BRCA1: variants seen among roughly 807,000 people sequenced by gnomAD.
BRCA1 encodes the protein breast cancer type 1 susceptibility protein.
BRCA1 carries 140 observed loss-of-function variants against 173.7 expected under a neutral mutation model. The ratio of observed to expected loss-of-function variants is 0.81; its 90% CI spans 0.70 to 0.93. The LOEUF (loss-of-function observed/expected upper bound fraction) is 0.93, where lower values mean the gene tolerates loss of function less well. Ranked by LOEUF, BRCA1 falls within the 40% of genes least tolerant of loss-of-function variation. The pLI, the probability that BRCA1 is intolerant of heterozygous loss-of-function variation, is 0.00. For missense variants in BRCA1, 1,983 were observed against 2,172.5 expected, an observed-to-expected ratio of 0.91 and a Z score of 1.73; for synonymous variants, 662 against 756.0, an observed-to-expected ratio of 0.88 and a Z score of 2.04.
intron 21 of BRCA1, among the ~76,000 whole-genome samples, chr17:43,048,496 C>T (rs1383363987): frequency 6.7e-6 from 1 of 149,604 alleles, no homozygotes; most frequent in Non-Finnish European, 1.5e-5. Flanking sequence ...TGAGCCACCG[C>T]ACCTAGCTTT....
At chr17:43,045,965 G>A (rs920897721) in intron 22 of BRCA1, among the ~76,000 whole-genome samples, 163 bp from the exon 23 acceptor site, 3 of 145,170 alleles carry the variant, frequency 2.1e-5, no homozygotes, top group East Asian at 2.0e-4. Flanking sequence ...CTCTGTCGCC[G>A]AGGCTAGAGT....
chr17:43,168,792 T>C (rs2056288103), intron 1 of BRCA1, among the ~76,000 whole-genome samples: 1 of 152,230 alleles, frequency 6.6e-6, no homozygotes, highest in African/African-American at 2.4e-5. Context: ...TTGGGTCTTT[T>C]CCTTTCTCCA....
intron 12 of BRCA1, chr17:43,079,491 G>A (rs527945380): frequency 1.6e-6 from 2 of 1,271,298 alleles, no homozygotes; most frequent in Admixed American, 1.7e-5. Context: ...AACTGGAAAA[G>A]TCTACAACGT....
intron 1 of BRCA1, chr17:43,166,723 A>C (rs945030453): frequency 1.3e-5 from 2 of 152,262 alleles, no homozygotes; most frequent in African/African-American, 4.8e-5. Context: ...GAGTATCCAG[A>C]AATCCAAGCC....
chr17:43,087,058 G>C (rs915542653), intron 11 of BRCA1, among the ~76,000 whole-genome samples: 1 of 152,150 alleles, frequency 6.6e-6, no homozygotes, highest in Admixed American at 6.6e-5. Flanking sequence ...GTGTTGGCAA[G>C]GTACAGGAAA....
At chr17:43,118,847 T>C (rs538463270) in intron 2 of BRCA1, among the ~76,000 whole-genome samples, 9 of 150,326 alleles carry the variant, frequency 6.0e-5, no homozygotes, top group African/African-American at 2.2e-4. Flanking sequence ...CACTGCAACC[T>C]CTGCCTCTCG....
upstream of BRCA1, among the ~76,000 whole-genome samples, chr17:43,126,614 A>C (rs891982024): frequency 2.6e-5 from 4 of 152,200 alleles, no homozygotes; most frequent in African/African-American, 9.6e-5. Flanking sequence ...TCGTGTTCTG[A>C]GGGACCGAGT....
chr17:43,108,852 G>C (rs553144112), intron 3 of BRCA1, among the ~76,000 whole-genome samples: 140 of 151,998 alleles, frequency 9.2e-4, no homozygotes, highest in African/African-American at 3.3e-3. Context: ...AATTAGCCGG[G>C]CATGGTGGCA....
chr17:43,155,679 C>T (rs1395887697), intron 1 of BRCA1, among the ~76,000 whole-genome samples: 3 of 152,104 alleles, frequency 2.0e-5, no homozygotes, highest in African/African-American at 7.2e-5. Context: ...ACTACAGGCG[C>T]ATGCTGCCAT....
chr17:43,141,724 A>C (rs1486509678), intron 1 of BRCA1, among the ~76,000 whole-genome samples: 5 of 151,742 alleles, frequency 3.3e-5, no homozygotes, highest in African/African-American at 9.7e-5. Flanking sequence ...AGGCAGGAGA[A>C]TGGCGTGAAC....
intron 22 of BRCA1, among the ~76,000 whole-genome samples, chr17:43,047,188 C>T (rs2050950603): frequency 6.6e-6 from 1 of 152,114 alleles, no homozygotes; most frequent in African/African-American, 2.4e-5. Flanking sequence ...AAGCATCAAC[C>T]TCCTGAGCTC....
At chr17:43,068,028 A>G (rs1000020373) in intron 15 of BRCA1, among the ~76,000 whole-genome samples, 2 of 151,914 alleles carry the variant, frequency 1.3e-5, no homozygotes, top group African/African-American at 4.8e-5. Flanking sequence ...CTGTAATCTC[A>G]GCACTTTGGG....
intron 2 of BRCA1, among the ~76,000 whole-genome samples, chr17:43,116,034 TATC>T (rs1275447306): frequency 6.6e-6 from 1 of 152,208 alleles, no homozygotes; most frequent in African/African-American, 2.4e-5. Flanking sequence ...TACTCTATAC[TATC>T]ATCAGCATTT....
intron 16 of BRCA1, among the ~76,000 whole-genome samples, chr17:43,065,745 G>T (rs1258757301): frequency 1.3e-5 from 2 of 152,126 alleles, no homozygotes; most frequent in Non-Finnish European, 2.9e-5. Flanking sequence ...TTGTTAGAAA[G>T]ATTTTAGAGT....
Position 43,094,555 on chromosome 17 carries a change from C to G in BRCA1, c.976G>C (p.Glu326Gln), listed in dbSNP as rs773433679. Reference sequence around the variant, plus strand: ...GGAGTCCGCCTATCATTACATGTTTCCTTACTTCCAGCCCATCTGTTATGT... The same window carrying G: ...GGAGTCCGCCTATCATTACATGTTTGCTTACTTCCAGCCCATCTGTTATGT... ...SQHNRWAGSK[E>Q]TCNDRRTPST... Residue 326 changes from glutamate (E) to glutamine (Q), a missense_variant, in exon 10 of 23, where the codon GAA (glutamate) becomes CAA (glutamine). By Grantham distance (29) the Glu-to-Gln change is conservative. Coordinates refer to ENST00000357654, the MANE Select transcript of BRCA1 (RefSeq NM_007294.4). 21 of 1,614,150 alleles carry G rather than the reference C, an allele frequency of 1.3e-5. No individual in the cohort carries two copies. The South Asian group carries it at 2.2e-4, about 17-fold the overall frequency.
At chr17:43,164,518 C>T (rs1372800496) in intron 1 of BRCA1, 2 of 152,190 alleles carry the variant, frequency 1.3e-5, no homozygotes, top group East Asian at 3.8e-4. Context: ...ATGTTAATAA[C>T]TAGATGGTCA....
At chr17:43,090,918 T>G (rs775926635) in intron 11 of BRCA1, 26 bp downstream of exon 11, 2 of 1,584,648 alleles carry the variant, frequency 1.3e-6, no homozygotes, top group Non-Finnish European at 1.7e-6. Context: ...CACACACGCA[T>G]GTGCACACAC....
At chr17:43,095,718 C>G (rs1465358679) in intron 9 of BRCA1, 128 bp downstream of exon 9, 1 of 791,668 alleles carries the variant, frequency 1.3e-6, no homozygotes, top group Non-Finnish European at 2.2e-6. Context: ...GAGAATGATA[C>G]TCTAACTCTG....
At chr17:43,106,422 G>T in intron 4 of BRCA1, 34 bp downstream of exon 4, 2 of 1,364,964 alleles carry the variant, frequency 1.5e-6, no homozygotes, top group Non-Finnish European at 2.1e-6. Flanking sequence ...TACTGTGGTT[G>T]CTTCCAACCT....
Sources: allele counts gnomAD v4.1 joint callset (sites outside exome capture counted in the v4.1 genomes callset), GRCh38; gene constraint gnomAD v4.1.1; transcripts MANE v1.5; gene names NCBI Gene and HGNC (gene_info 2026-07-23, HGNC 2026-07-21).